GPR141: variants seen among roughly 807,000 people sequenced by gnomAD.
The protein encoded by GPR141 is probable G protein-coupled receptor 141.
GPR141 carries 6 observed loss-of-function variants against 6.8 expected under a neutral mutation model. The ratio of observed to expected loss-of-function variants is 0.88; its 90% CI spans 0.48 to 1.74. The LOEUF (loss-of-function observed/expected upper bound fraction) is 1.74. GPR141 is among the 40% of genes most tolerant of loss of function. GPR141 has a pLI of 0.01. For synonymous variants in GPR141, 140 were observed against 142.3 expected (o/e 0.98, Z 0.11); for missense variants, 372 against 372.9 (o/e 1.00, Z 0.02).
In GPR141 at chr7:37,718,973, G is replaced by T. The variant is rs78163760; in HGVS notation, c.-14-21407G>T. Among the ~76,000 whole-genome samples, 991 of 152,288 alleles carry T rather than the reference G, an allele frequency of 6.5e-3. 36 individuals are homozygous for T. The South Asian group carries it at 0.089, about 14-fold the overall frequency. Reference sequence around the variant, plus strand: ...TGTGCGTGTATATGTGTTGCAGGGTGGGGGATAGGGTTGGAGGGCATTATG... The same window carrying T: ...TGTGCGTGTATATGTGTTGCAGGGTTGGGGATAGGGTTGGAGGGCATTATG... On this transcript the variant is annotated intron_variant, in intron 2 of 2. Coordinates refer to ENST00000334425, the MANE Select transcript of GPR141 (RefSeq NM_001381946.1).
chr7:37,710,500 T>TGCCC (rs1348021247), intron 2 of GPR141, among the ~76,000 whole-genome samples: 1 of 152,222 alleles, frequency 6.6e-6, no homozygotes, highest in Non-Finnish European at 1.5e-5. Flanking sequence ...CCTATCATCT[T>TGCCC]GCCCAAAAAT....
chr7:37,685,812 C>T (rs1314738570), intron 2 of GPR141, among the ~76,000 whole-genome samples: 1 of 143,808 alleles, frequency 7.0e-6, no homozygotes, highest in African/African-American at 2.6e-5. Context: ...TCAAAGTGGT[C>T]CAAAATCCAA....
intron 2 of GPR141, among the ~76,000 whole-genome samples, chr7:37,695,664 A>C (rs965178923): frequency 6.6e-6 from 1 of 151,836 alleles, no homozygotes; most frequent in East Asian, 1.9e-4. Context: ...GAACTCCGCC[A>C]CTCTGCTTTA....
chr7:37,740,446 C>T lies in GPR141; in HGVS notation c.53C>T (p.Pro18Leu), dbSNP rs1300743026. The change falls in exon 3 of 3, where the codon CCC (proline) becomes CTC (leucine). Residue 18 changes from proline (P) to leucine (L), a missense_variant. Physicochemically the swap from Pro to Leu is moderately conservative, Grantham distance 98. Coordinates refer to ENST00000334425, the MANE Select transcript of GPR141 (RefSeq NM_001381946.1). ...RNSSCDPIVT[P>L]HLISLYFIVL... ...TCCTCTTGCGATCCTATAGTGACAC[C>T]CCACTTAATCAGCCTCTACTTCATA... 6.2e-7 allele frequency: 1 copy of T among 1,613,388 alleles called. No homozygotes were observed. The highest frequency in any genetic ancestry group is 8.5e-7 in the Non-Finnish European group (1 of 1,179,674).
chr7:37,708,884 G>A lies in GPR141; in HGVS notation c.-15+23301G>A, dbSNP rs528378019. Among the ~76,000 whole-genome samples, 121 of 152,246 alleles carry A rather than the reference G, an allele frequency of 7.9e-4. 2 individuals carry two copies. The highest frequency in any genetic ancestry group is 3.5e-3 in the Admixed American group (53 of 15,290). On this transcript the variant is annotated intron_variant, in intron 2 of 2. Transcript: ENST00000334425. ...CTTCTCAACATTTTACATTCAAAGCGAACTGCGTATGTAAAGGCTTATGAA... is the reference window on the plus strand; with the variant it reads ...CTTCTCAACATTTTACATTCAAAGCAAACTGCGTATGTAAAGGCTTATGAA...
chr7:37,743,494 A>G lies in GPR141; in HGVS notation c.*2183A>G, dbSNP rs1025734095. 2.6e-5 allele frequency among the ~76,000 whole-genome samples: 4 copies of G among 151,792 alleles called. No homozygotes were observed. Among genetic ancestry groups the G allele is most frequent in the Non-Finnish European group, 2.9e-5 (2 of 67,934 alleles). On this transcript the variant is annotated 3_prime_UTR_variant, in exon 3 of 3. Coordinates refer to ENST00000334425, the MANE Select transcript of GPR141 (RefSeq NM_001381946.1). ...CTCATTTTGAACCATAAAATTTGTA[A>G]GACCGTTACTAAGACCCCTGATAGT... is the stretch of plus-strand genomic sequence containing the variant.
intron 2 of GPR141, among the ~76,000 whole-genome samples, chr7:37,727,063 A>T (rs1185377269): frequency 7.9e-5 from 12 of 152,206 alleles, no homozygotes. Context: ...TCAGCCTTGG[A>T]TATACTAAGT....
chr7:37,691,533 T>C (rs1422783376), intron 2 of GPR141, among the ~76,000 whole-genome samples: 4 of 152,146 alleles, frequency 2.6e-5, no homozygotes, highest in African/African-American at 9.7e-5. Flanking sequence ...TTTCCTCTCT[T>C]ATTGTTTAGT....
chr7:37,742,914 T>C lies in GPR141; in HGVS notation c.*1603T>C, dbSNP rs141944982. Among the ~76,000 whole-genome samples the C allele has an allele frequency of 2.5e-4, 38 of 152,334 alleles. No homozygotes were observed. The East Asian group carries it at 6.2e-3, about 25-fold the overall frequency. On this transcript the variant is annotated 3_prime_UTR_variant, in exon 3 of 3. Transcript: ENST00000334425. ...TCTTTCCAAATTCGGAATTACTTTT[T>C]GTAAAATTGTATTAATAACTTGTGG... is the stretch of plus-strand genomic sequence containing the variant.
intron 2 of GPR141, among the ~76,000 whole-genome samples, chr7:37,730,768 C>T (rs1418294549): frequency 3.9e-5 from 6 of 152,258 alleles, no homozygotes; most frequent in Non-Finnish European, 7.3e-5. Flanking sequence ...CCCACAGTCT[C>T]AGGGACTGTT....
chr7:37,743,100 T>A lies in GPR141; in HGVS notation c.*1789T>A, dbSNP rs1365414175. Among the ~76,000 whole-genome samples the A allele has an allele frequency of 6.6e-6, 1 of 152,186 alleles. No homozygotes were observed. The highest frequency in any genetic ancestry group is 2.4e-5 in the African/African-American group (1 of 41,456). ...AAAATTTTCCCAGGATCTGATCCAG[T>A]TTCATATTTAATGCTGCAGAAAACC... On this transcript the variant is annotated 3_prime_UTR_variant, in exon 3 of 3. Coordinates refer to ENST00000334425, the MANE Select transcript of GPR141 (RefSeq NM_001381946.1).
chr7:37,712,130 G>T (rs370838231), intron 2 of GPR141, among the ~76,000 whole-genome samples: 20 of 152,304 alleles, frequency 1.3e-4, no homozygotes, highest in African/African-American at 4.1e-4. Flanking sequence ...AAATCCAAAA[G>T]GCAGATCCCA....
At chr7:37,707,272 G>T (rs763504720) in intron 2 of GPR141, among the ~76,000 whole-genome samples, 7 of 152,152 alleles carry the variant, frequency 4.6e-5, no homozygotes, top group African/African-American at 9.7e-5. Context: ...AGTAGATACC[G>T]TTATTACCAT....
intron 2 of GPR141, among the ~76,000 whole-genome samples, chr7:37,734,717 T>A (rs900896890): frequency 1.3e-5 from 2 of 152,172 alleles, no homozygotes; most frequent in African/African-American, 4.8e-5. Context: ...ACCAAGTAGA[T>A]CTTACCTAGT....
intron 2 of GPR141, among the ~76,000 whole-genome samples, chr7:37,732,968 C>T (rs1332234310): frequency 1.3e-5 from 2 of 152,118 alleles, no homozygotes; most frequent in Admixed American, 6.5e-5. Flanking sequence ...GAAAATTAGG[C>T]TTTAAAGTCA....
chr7:37,711,977 G>A (rs1038664591), intron 2 of GPR141, among the ~76,000 whole-genome samples: 1 of 152,186 alleles, frequency 6.6e-6, no homozygotes, highest in Non-Finnish European at 1.5e-5. Flanking sequence ...TCAAAGTCAG[G>A]GGAGATACCT....
At chr7:37,720,411 A>G (rs76334047) in intron 2 of GPR141, among the ~76,000 whole-genome samples, 1 of 152,232 alleles carries the variant, frequency 6.6e-6, no homozygotes, top group Non-Finnish European at 1.5e-5. Flanking sequence ...TCCAGTTTCA[A>G]CAAAAGCAGA....
At chr7:37,694,040 A>T (rs138468262) in intron 2 of GPR141, among the ~76,000 whole-genome samples, 1 of 152,090 alleles carries the variant, frequency 6.6e-6, no homozygotes, top group African/African-American at 2.4e-5. Context: ...GCAGGGTATG[A>T]CCACTTCAGA....
intron 2 of GPR141, among the ~76,000 whole-genome samples, chr7:37,689,874 A>AT (rs1319432929): frequency 2.1e-5 from 3 of 145,016 alleles, no homozygotes; most frequent in East Asian, 2.1e-4. Flanking sequence ...TTCTCTTGTT[A>AT]TTTTTTTTCA....
Sources: gnomAD v4.1 joint callset for allele counts (sites outside exome capture counted in the v4.1 genomes callset) on GRCh38, gnomAD v4.1.1 for gene constraint, MANE v1.5 for transcripts, NCBI Gene and HGNC (gene_info 2026-07-23, HGNC 2026-07-21) for gene names.